GRB14: variants seen among roughly 807,000 people sequenced by gnomAD.
GRB14 encodes the protein growth factor receptor-bound protein 14.
A neutral mutation model predicts 69.1 loss-of-function variants in GRB14; 38 were observed. The ratio of observed to expected loss-of-function variants is 0.55; its 90% confidence interval spans 0.42 to 0.72. The LOEUF is 0.72. GRB14 is among the 30% of genes least tolerant of loss of function. The pLI, the probability that GRB14 is intolerant of heterozygous loss-of-function variation, is 0.00. For synonymous variants in GRB14, 247 were observed against 241.3 expected, an observed-to-expected ratio of 1.02 and a Z score of -0.22; for missense variants, 666 against 666.1, an observed-to-expected ratio of 1.00 and a Z score of 0.00.
chr2:164,552,479 T>C (rs1198487251), intron 2 of GRB14, among the ~76,000 whole-genome samples: 1 of 152,184 alleles, frequency 6.6e-6, no homozygotes, highest in African/African-American at 2.4e-5. Flanking sequence ...CCCATTTTTA[T>C]GCTCAGAAAA....
At chr2:164,515,258 A>G (rs1687450460) in intron 6 of GRB14, among the ~76,000 whole-genome samples, 1 of 152,178 alleles carries the variant, frequency 6.6e-6, no homozygotes, top group Non-Finnish European at 1.5e-5. Context: ...CAACCAACAC[A>G]AAACGAGCAC....
At chr2:164,576,925 G>T (rs1361220105) in intron 2 of GRB14, among the ~76,000 whole-genome samples, 1 of 151,532 alleles carries the variant, frequency 6.6e-6, no homozygotes, top group Non-Finnish European at 1.5e-5. Flanking sequence ...GGGGGAAAAA[G>T]GGAGAAGGTA....
intron 2 of GRB14, among the ~76,000 whole-genome samples, chr2:164,591,983 T>C (rs1232796552): frequency 3.3e-5 from 5 of 152,184 alleles, no homozygotes; most frequent in Non-Finnish European, 7.3e-5. Flanking sequence ...AAACCCCTTT[T>C]GCTTGGTTCT....
intron 9 of GRB14, among the ~76,000 whole-genome samples, chr2:164,501,062 T>G (rs1311316580): frequency 6.6e-6 from 1 of 152,130 alleles, no homozygotes; most frequent in African/African-American, 2.4e-5. Flanking sequence ...ATTATTATTT[T>G]TATATACATA....
At chr2:164,565,799 G>C (rs1688956203) in intron 2 of GRB14, among the ~76,000 whole-genome samples, 1 of 152,154 alleles carries the variant, frequency 6.6e-6, no homozygotes, top group African/African-American at 2.4e-5. Context: ...CAATTTACTT[G>C]ATAGAGAATC....
intron 3 of GRB14, among the ~76,000 whole-genome samples, chr2:164,530,062 G>A (rs917597178): frequency 6.6e-6 from 1 of 152,124 alleles, no homozygotes; most frequent in Non-Finnish European, 1.5e-5. Flanking sequence ...AAAAGTAGTG[G>A]TCTTAATCCA....
rs550521861 is a variant in GRB14, at chr2:164,552,485, G to A, written c.325-4669C>T. Among the ~76,000 whole-genome samples, 7 of 152,188 alleles carry A rather than the reference G, an allele frequency of 4.6e-5. No individual in the cohort carries two copies. The South Asian group carries it at 1.5e-3, about 32-fold the overall frequency. On this transcript the variant is annotated intron_variant, in intron 2 of 13. Transcript: ENST00000263915. ...TAATTAATTCCCATTTTTATGCTCAGAAAATTAAAAATATTCTCAATGAGT... is the reference window on the plus strand; with the variant it reads ...TAATTAATTCCCATTTTTATGCTCAAAAAATTAAAAATATTCTCAATGAGT...
chr2:164,514,516 G>A (rs1687428618), intron 6 of GRB14, among the ~76,000 whole-genome samples: 1 of 152,100 alleles, frequency 6.6e-6, no homozygotes, highest in Non-Finnish European at 1.5e-5. Context: ...GAAATACAGG[G>A]TAGAAAAAGC....
At chr2:164,501,778 G>A (rs1687059473) in intron 9 of GRB14, among the ~76,000 whole-genome samples, 1 of 151,964 alleles carries the variant, frequency 6.6e-6, no homozygotes, top group African/African-American at 2.4e-5. Context: ...GCTCACATGT[G>A]TATACTGTAG....
chr2:164,523,965 G>A (rs1034740629), intron 5 of GRB14, among the ~76,000 whole-genome samples: 1 of 152,080 alleles, frequency 6.6e-6, no homozygotes, highest in Non-Finnish European at 1.5e-5. Context: ...GGGCACAGCT[G>A]CTGCTGCCAT....
chr2:164,508,797 G>A lies in GRB14; in HGVS notation c.872C>T (p.Ser291Leu). 2 of 1,586,494 alleles carry A rather than the reference G, an allele frequency of 1.3e-6. No individual in the cohort carries two copies. Among genetic ancestry groups the A allele is most frequent in the Non-Finnish European group, 1.7e-6 (2 of 1,170,788 alleles). The change falls in exon 7 of 14, where the codon TCA becomes TTA. Residue 291 changes from serine to leucine, a missense_variant. Physicochemically the swap from Ser to Leu is moderately radical, Grantham distance 145. Transcript: ENST00000263915. ...TCCATGTTTTTTTTTGCCTGCCAGT[G>A]ACACATAAATATCACTATTGCCAAA... ...SEFGNSDIYV[S>L]LAGKKKHGAP...
chr2:164,605,870 C>T (rs887284771), intron 2 of GRB14, among the ~76,000 whole-genome samples: 2 of 152,082 alleles, frequency 1.3e-5, no homozygotes, highest in Non-Finnish European at 2.9e-5. Flanking sequence ...GATATCCAAC[C>T]CTCATGAGAG....
chr2:164,598,477 T>C (rs1689839220), intron 2 of GRB14, among the ~76,000 whole-genome samples: 2 of 152,182 alleles, frequency 1.3e-5, no homozygotes, highest in Admixed American at 6.5e-5. Flanking sequence ...TATTTGAATG[T>C]TAAATTAAAT....
chr2:164,493,227 C>T lies in GRB14; in HGVS notation c.1477-45G>A, dbSNP rs761756830. 17 of 1,569,258 alleles carry T rather than the reference C, an allele frequency of 1.1e-5. 1 individual carries two copies. Among genetic ancestry groups the T allele is most frequent in the South Asian group, 1.0e-4 (9 of 86,680 alleles). On this transcript the variant is annotated intron_variant, in intron 13 of 13. Coordinates refer to ENST00000263915, the MANE Select transcript of GRB14 (RefSeq NM_004490.3). ...AAATAAGTAAAGAGGATAAATTACA[C>T]AGAAGGACAATCATATTCGATTGCA...
intron 3 of GRB14, 51 bp from the exon 4 acceptor site, chr2:164,527,186 T>C (rs760626162): frequency 9.2e-5 from 3 of 32,576 alleles, no homozygotes; most frequent in Non-Finnish European, 2.3e-4. Flanking sequence ...AATATATATA[T>C]ATATATATAT....
At chr2:164,601,830 G>T (rs948785044) in intron 2 of GRB14, among the ~76,000 whole-genome samples, 5 of 151,920 alleles carry the variant, frequency 3.3e-5, no homozygotes, top group African/African-American at 1.2e-4. Flanking sequence ...TAACAGTTTT[G>T]AAGAACTGTT....
chr2:164,587,410 G>T (rs1009356889), intron 2 of GRB14, among the ~76,000 whole-genome samples: 1 of 152,162 alleles, frequency 6.6e-6, no homozygotes, highest in Non-Finnish European at 1.5e-5. Flanking sequence ...CTTTGTTCAA[G>T]ATAGTTCCTC....
chr2:164,584,584 G>GT (rs977099731), intron 2 of GRB14, among the ~76,000 whole-genome samples: 6 of 150,128 alleles, frequency 4.0e-5, no homozygotes, highest in African/African-American at 1.5e-4. Flanking sequence ...TCCCTACGAT[G>GT]TAAAAAAAAA....
chr2:164,547,286 A>C (rs893409019), intron 3 of GRB14, among the ~76,000 whole-genome samples: 1 of 152,216 alleles, frequency 6.6e-6, no homozygotes, highest in Non-Finnish European at 1.5e-5. Context: ...ACCTTTAAGG[A>C]AATTCAGTGA....
Sources: allele counts gnomAD v4.1 joint callset (sites outside exome capture counted in the v4.1 genomes callset), GRCh38; gene constraint gnomAD v4.1.1; transcripts MANE v1.5; gene names NCBI Gene and HGNC (gene_info 2026-07-23, HGNC 2026-07-21).